The following CRTAC1 variants were observed in gnomAD, a reference collection of about 807,000 sequenced individuals.
CRTAC1 encodes acidic secreted protein in cartilage.
In CRTAC1, 37 loss-of-function variants were observed where a neutral mutation model predicts 67.8. That is an observed-to-expected ratio of 0.55 (90% CI 0.42 to 0.72). The LOEUF (loss-of-function observed/expected upper bound fraction) is 0.72, where lower values mean the gene tolerates loss of function less well. Among genes scored for constraint, CRTAC1 ranks in the 30% least tolerant of loss-of-function variants. CRTAC1 has a pLI of 0.00. For missense variants in CRTAC1, 780 were observed against 931.6 expected, an observed-to-expected ratio of 0.84 and a Z score of 2.12; for synonymous variants, 348 against 371.0, an observed-to-expected ratio of 0.94 and a Z score of 0.71.
In CRTAC1 at chr10:97,888,668, G is replaced by GT. The variant is rs1321510071; in HGVS notation, c.1487-4318dup. ...TCATCCCTCTGCCCAGGAAATCTGC[G>GT]TAACATCTTAAGTCTTTCCGGGGCT... On this transcript the variant is annotated intron_variant, in intron 11 of 14. Transcript: ENST00000370597. 2.6e-5 allele frequency among the ~76,000 whole-genome samples: 4 copies of GT among 152,262 alleles called. No individual in the cohort carries two copies. The East Asian group carries it at 5.8e-4, about 22-fold the overall frequency.
rs1298228203 is a variant in CRTAC1, at chr10:97,923,186, A to C, written c.558+78T>G. 6.4e-6 allele frequency: 10 copies of C among 1,554,758 alleles called. No individual in the cohort carries two copies. In the Admixed American group the frequency reaches 1.4e-4, roughly 21 times the overall value. The stretch of plus-strand genomic sequence containing the variant: ...ACACCGCGGGAGACGCCACTCTGTC[A>C]GGGGACGTCTACACAGTGGCTCCTC... On this transcript the variant is annotated intron_variant, in intron 4 of 14. Transcript: ENST00000370597.
At position 98,027,308 on chromosome 10, in the gene CRTAC1, C is replaced by T. The variant is rs117147790; in HGVS notation, c.24+3141G>A. On this transcript the variant is annotated intron_variant, in intron 1 of 14. Transcript: ENST00000370597. The stretch of plus-strand genomic sequence containing the variant: ...GAAATGGTAGTATCTTGCAGGTCAC[C>T]GAAGAAGTCCAAACATAAGGATTTG... 2.0e-4 allele frequency among the ~76,000 whole-genome samples: 31 copies of T among 152,226 alleles called. No individual in the cohort carries two copies. In the East Asian group the frequency reaches 6.0e-3, roughly 29 times the overall value.
chr10:97,867,406 G>A (rs2050040830), intron 14 of CRTAC1: 1 of 152,300 alleles, frequency 6.6e-6, no homozygotes, highest in African/African-American at 2.4e-5. Flanking sequence ...AGCCACTGGA[G>A]GTAGCTCTCT....
chr10:98,002,947 T>TG lies in CRTAC1; in HGVS notation c.224+8190_224+8191insC, dbSNP rs571051463. Among the ~76,000 whole-genome samples, 257 of 148,006 alleles carry TG rather than the reference T, an allele frequency of 1.7e-3. 1 individual carries two copies. The highest frequency in any genetic ancestry group is 3.0e-3 in the Non-Finnish European group (202 of 66,568). On this transcript the variant is annotated intron_variant, in intron 2 of 14. Transcript: ENST00000370597. ...GCGCCCGCCACCACACCCAGCTAAT[T>TG]TTTTTTTTTGTATTTTTAGTAGAGA... is the stretch of plus-strand genomic sequence containing the variant.
intron 2 of CRTAC1, among the ~76,000 whole-genome samples, chr10:97,945,357 C>T (rs1454264910): frequency 6.6e-6 from 1 of 152,174 alleles, no homozygotes; most frequent in East Asian, 1.9e-4. Context: ...CCTTTCTAAC[C>T]ATATCTAAAT....
intron 5 of CRTAC1, among the ~76,000 whole-genome samples, chr10:97,914,174 G>A (rs200566305): frequency 4.6e-5 from 7 of 152,222 alleles, no homozygotes; most frequent in Admixed American, 2.0e-4. Context: ...GGACCCCAGA[G>A]GGGATGGGGA....
intron 2 of CRTAC1, among the ~76,000 whole-genome samples, chr10:97,990,282 G>T (rs1007502461): frequency 6.6e-6 from 1 of 152,136 alleles, no homozygotes; most frequent in African/African-American, 2.4e-5. Context: ...TATAGAAAAG[G>T]CTTATAAATG....
intron 11 of CRTAC1, among the ~76,000 whole-genome samples, chr10:97,890,778 C>A (rs573174228): frequency 1.3e-3 from 192 of 152,094 alleles, no homozygotes; most frequent in African/African-American, 4.4e-3. Flanking sequence ...AGTGACTCTC[C>A]TGCCTCAGCC....
At chr10:97,949,940 T>C (rs2051324604) in intron 2 of CRTAC1, among the ~76,000 whole-genome samples, 1 of 152,224 alleles carries the variant, frequency 6.6e-6, no homozygotes, top group Non-Finnish European at 1.5e-5. Flanking sequence ...TTTTTCTCCT[T>C]ATATACTCAG....
rs909019675 is a variant in CRTAC1 at position 98,030,521 on chromosome 10, GCTGCCGCCT to G, written c.-58_-50del. 9 of 1,224,852 alleles carry G rather than the reference GCTGCCGCCT, an allele frequency of 7.3e-6. No homozygotes were observed. Among genetic ancestry groups the G allele is most frequent in the African/African-American group, 3.1e-5 (2 of 63,832 alleles). 75.9% of individuals were successfully genotyped at this position (1,224,852 alleles called of 1,614,324 possible). A position where few individuals can be genotyped will look rare whatever the true frequency, so the allele number is the denominator to read the frequency against. On this transcript the variant is annotated 5_prime_UTR_variant, in exon 1 of 15. Coordinates refer to ENST00000370597, the MANE Select transcript of CRTAC1 (RefSeq NM_018058.7). The surrounding 1 kb of genome is among the most constrained non-coding windows in gnomAD (Gnocchi z 4.2). ...CTAGGGGCGTGGGAAGCGGGCGCTC[GCTGCCGCCT>G]CTGCCGCCGGCGCCGCCGCCTGCTT...
intron 11 of CRTAC1, among the ~76,000 whole-genome samples, chr10:97,892,992 G>A (rs1024355030): frequency 2.6e-5 from 4 of 152,178 alleles, no homozygotes; most frequent in African/African-American, 2.4e-5. Context: ...AAAACCACAC[G>A]CTCAAGGAAG....
chr10:97,917,744 C>T (rs571792895), intron 4 of CRTAC1, 88 bp from the exon 5 acceptor site: 382 of 1,110,432 alleles, frequency 3.4e-4, no homozygotes, highest in Non-Finnish European at 4.6e-4. Context: ...AGGACCATAG[C>T]TCTTTCACAG....
intron 2 of CRTAC1, among the ~76,000 whole-genome samples, chr10:97,955,987 G>A (rs489062): frequency 0.46 from 70,042 of 151,996 alleles, 16,970 homozygotes; most frequent in African/African-American, 0.62. Flanking sequence ...ACCTTGTAGT[G>A]AGCAACTAAT....
intron 2 of CRTAC1, among the ~76,000 whole-genome samples, chr10:97,945,272 G>A (rs923004201): frequency 5.9e-5 from 9 of 152,256 alleles, no homozygotes; most frequent in Middle Eastern, 3.4e-3. Flanking sequence ...TGCAGAGCCC[G>A]AGGGTGGAAG....
Position 97,941,958 on chromosome 10 carries a change from CT to C in CRTAC1, c.225-5593del, listed in dbSNP as rs1174730137. ...TGGCCTCCTTCTGCCACAGGGTCTC[CT>C]TTCAGCTCCTTGAATTCTGGCAAGT... On this transcript the variant is annotated intron_variant, in intron 2 of 14. Transcript: ENST00000370597. Among the ~76,000 whole-genome samples, 9 of 152,184 alleles carry C rather than the reference CT, an allele frequency of 5.9e-5. No homozygotes were observed. In the East Asian group the frequency reaches 1.7e-3, roughly 29 times the overall value.
intron 11 of CRTAC1, among the ~76,000 whole-genome samples, chr10:97,887,747 C>G (rs1254135470): frequency 6.6e-6 from 1 of 152,214 alleles, no homozygotes; most frequent in Non-Finnish European, 1.5e-5. Flanking sequence ...ACAGCCTTAC[C>G]ACTCCTAGGA....
intron 13 of CRTAC1, among the ~76,000 whole-genome samples, chr10:97,880,856 C>A (rs2050204005): frequency 1.3e-5 from 2 of 152,072 alleles, no homozygotes; most frequent in Admixed American, 6.5e-5. Context: ...TCAATCAACA[C>A]CCCCATCATC....
intron 14 of CRTAC1, chr10:97,878,420 T>G: frequency 3.7e-6 from 1 of 267,042 alleles, no homozygotes; most frequent in Non-Finnish European, 7.1e-6. Flanking sequence ...TTATTAGGAG[T>G]ATTACCATGA....
intron 4 of CRTAC1, among the ~76,000 whole-genome samples, chr10:97,919,794 G>C (rs140208164): frequency 0.12 from 1,906 of 16,540 alleles, 47 homozygotes; most frequent in African/African-American, 0.21. Flanking sequence ...TTTAAGACAG[G>C]GTCTCCCTCT....
Sources: gnomAD v4.1 joint callset for allele counts (sites outside exome capture counted in the v4.1 genomes callset) on GRCh38, gnomAD v4.1.1 for gene constraint, Gnocchi (gnomAD v3.1) non-coding constraint, MANE v1.5 for transcripts, NCBI Gene and HGNC (gene_info 2026-07-23, HGNC 2026-07-21) for gene names.